TXNRD1: variants seen among roughly 807,000 people sequenced by gnomAD.
The protein encoded by TXNRD1 is thioredoxin reductase 1.
A neutral mutation model predicts 80.3 loss-of-function variants in TXNRD1; 57 were observed. That is an observed-to-expected ratio of 0.71 (90% confidence interval 0.57 to 0.89). The LOEUF is 0.89. Ranked by LOEUF, TXNRD1 falls within the 40% of genes least tolerant of loss-of-function variation. TXNRD1 has a pLI of 0.00. For synonymous variants in TXNRD1, 291 were observed against 285.2 expected (o/e 1.02, Z -0.20); for missense variants, 730 against 803.0 (o/e 0.91, Z 1.10).
At chr12:104,252,315 A>T (rs557497571) in intron 2 of TXNRD1, among the ~76,000 whole-genome samples, 4 of 152,126 alleles carry the variant, frequency 2.6e-5, no homozygotes, top group Admixed American at 2.6e-4. Context: ...GGTACTACCA[A>T]ATTTTGATAA....
chr12:104,329,494 A>G (rs2035877645), intron 13 of TXNRD1, among the ~76,000 whole-genome samples: 1 of 151,982 alleles, frequency 6.6e-6, no homozygotes, highest in African/African-American at 2.4e-5. Flanking sequence ...CAAAATATAC[A>G]AAAAATGAGA....
intron 1 of TXNRD1, among the ~76,000 whole-genome samples, chr12:104,224,032 G>A (rs2032415225): frequency 6.6e-6 from 1 of 152,224 alleles, no homozygotes; most frequent in African/African-American, 2.4e-5. Context: ...AGTCAAAGCT[G>A]TAACTCCTGA....
intron 4 of TXNRD1, among the ~76,000 whole-genome samples, chr12:104,293,796 G>A (rs1329202765): frequency 2.6e-5 from 4 of 152,128 alleles, no homozygotes; most frequent in Non-Finnish European, 4.4e-5. Context: ...ACCAATGCGC[G>A]GAGACCGGTA....
chr12:104,216,822 A>G (rs1225768058), intron 1 of TXNRD1, among the ~76,000 whole-genome samples: 1 of 152,254 alleles, frequency 6.6e-6, no homozygotes, highest in Admixed American at 6.5e-5. Context: ...TGCCTTGCCC[A>G]ATGGCTAGAA....
At chr12:104,219,215 T>C (rs1019750349) in intron 1 of TXNRD1, among the ~76,000 whole-genome samples, 2 of 152,164 alleles carry the variant, frequency 1.3e-5, no homozygotes, top group Non-Finnish European at 2.9e-5. Flanking sequence ...CAAAGTATAC[T>C]GCACCAGGCC....
intron 3 of TXNRD1, among the ~76,000 whole-genome samples, chr12:104,274,369 A>G (rs1348633970): frequency 1.3e-5 from 2 of 152,164 alleles, no homozygotes; most frequent in Non-Finnish European, 2.9e-5. Context: ...CTCAAGATCA[A>G]CTATCTAATA....
intron 1 of TXNRD1, among the ~76,000 whole-genome samples, chr12:104,240,595 T>TA (rs1473584412): frequency 1.3e-5 from 2 of 152,338 alleles, no homozygotes; most frequent in East Asian, 3.9e-4. Context: ...TCTCAACTGG[T>TA]ATATAGTATG....
At position 104,327,674 on chromosome 12, in the gene TXNRD1, G is replaced by A; in HGVS notation, c.1542+3G>A. 1 of 1,613,356 alleles carries A rather than the reference G, an allele frequency of 6.2e-7. No homozygotes were observed. The highest frequency in any genetic ancestry group is 8.5e-7 in the Non-Finnish European group (1 of 1,179,750). On this transcript the variant is annotated splice_donor_region_variant and intron_variant, in intron 13 of 16. Coordinates refer to ENST00000525566, the MANE Select transcript of TXNRD1 (RefSeq NM_001093771.3). Reference sequence around the variant, plus strand: ...TCTATGCAGGTTCCACTGTCAAGGTGAGTGTTGTGCTTGTTGCCCATTAGA... The same window carrying A: ...TCTATGCAGGTTCCACTGTCAAGGTAAGTGTTGTGCTTGTTGCCCATTAGA...
Position 104,259,224 on chromosome 12 carries a change from A to T in TXNRD1, c.304+1145A>T, listed in dbSNP as rs370612220. 2.6e-5 allele frequency among the ~76,000 whole-genome samples: 4 copies of T among 151,616 alleles called. No homozygotes were observed. In the East Asian group the frequency reaches 5.9e-4, roughly 22 times the overall value. ...TGAAACCCTGTCTCTACTAAATAAT[A>T]AAAAAAATTAGCTGGGTGTGGTGGT... On this transcript the variant is annotated intron_variant, in intron 3 of 16. Coordinates refer to ENST00000525566, the MANE Select transcript of TXNRD1 (RefSeq NM_001093771.3).
chr12:104,233,256 T>C (rs941707473), intron 1 of TXNRD1, among the ~76,000 whole-genome samples: 1 of 152,316 alleles, frequency 6.6e-6, no homozygotes, highest in Admixed American at 6.5e-5. Flanking sequence ...CGGAAGTTAG[T>C]TTTTAAAAGA....
In TXNRD1 at chr12:104,318,900, T is replaced by C. The variant is rs978556765; in HGVS notation, c.731-13T>C. The C allele has an allele frequency of 5.0e-6, 8 of 1,587,732 alleles. No individual in the cohort carries two copies. The highest frequency in any genetic ancestry group is 6.8e-6 in the Non-Finnish European group (8 of 1,170,444). ...AAAAGCCAAACAAGATTTTGTTTTA[T>C]TTTCTTATACAGTTAAGCATGATTG... On this transcript the variant is annotated splice_polypyrimidine_tract_variant and intron_variant, in intron 7 of 16. Coordinates refer to ENST00000525566, the MANE Select transcript of TXNRD1 (RefSeq NM_001093771.3).
At chr12:104,217,320 T>G (rs1054810328) in intron 1 of TXNRD1, among the ~76,000 whole-genome samples, 1 of 4,232 alleles carries the variant, frequency 2.4e-4, no homozygotes, top group Non-Finnish European at 8.0e-4. Context: ...ACAATTTTGT[T>G]TTTTTTTTTT....
chr12:104,300,749 C>A (rs377014218), intron 4 of TXNRD1, among the ~76,000 whole-genome samples: 4 of 151,888 alleles, frequency 2.6e-5, no homozygotes, highest in Non-Finnish European at 5.9e-5. Flanking sequence ...TTGTCTCACC[C>A]GCAACCTCTG....
chr12:104,301,275 A>T (rs1035323932), intron 4 of TXNRD1, among the ~76,000 whole-genome samples: 2 of 152,212 alleles, frequency 1.3e-5, no homozygotes, highest in African/African-American at 4.8e-5. Flanking sequence ...GAGCCAGAAG[A>T]AAATAGGCAC....
In TXNRD1 at chr12:104,299,543, C is replaced by T. The variant is rs539296480; in HGVS notation, c.414+10503C>T. The stretch of plus-strand genomic sequence containing the variant: ...CAGCATTTTGGGAGGCTGAGGCGGG[C>T]GGATCACGAGGTCAGGAGTTCGAGA... On this transcript the variant is annotated intron_variant, in intron 4 of 16. Transcript: ENST00000525566. Among the ~76,000 whole-genome samples, 5 of 151,810 alleles carry T rather than the reference C, an allele frequency of 3.3e-5. No homozygotes were observed. In the East Asian group the frequency reaches 9.7e-4, roughly 29 times the overall value.
At chr12:104,240,993 G>C in intron 1 of TXNRD1, among the ~76,000 whole-genome samples, 1 of 149,712 alleles carries the variant, frequency 6.7e-6, no homozygotes, top group East Asian at 2.0e-4. Context: ...CGCCCGCCTC[G>C]GCCTCTCAAA....
chr12:104,257,970 G>A, intron 2 of TXNRD1, 49 bp from the exon 3 acceptor site: 3 of 1,405,634 alleles, frequency 2.1e-6, no homozygotes, highest in South Asian at 2.5e-5. Context: ...TCTCTTGTTG[G>A]TTATAACCTC....
chr12:104,279,450 A>T (rs930712416), intron 3 of TXNRD1, among the ~76,000 whole-genome samples: 3 of 152,194 alleles, frequency 2.0e-5, no homozygotes, highest in Non-Finnish European at 4.4e-5. Flanking sequence ...AATTACAGGG[A>T]CTGAAAGCAA....
rs554828245 is a variant in TXNRD1 at position 104,317,969 on chromosome 12, G to T, written c.731-944G>T. On this transcript the variant is annotated intron_variant, in intron 7 of 16. Coordinates refer to ENST00000525566, the MANE Select transcript of TXNRD1 (RefSeq NM_001093771.3). Reference sequence around the variant, plus strand: ...AGCCTGGCCAACATGGCAAAACTGCGTCTCTACTAAAAATATAAACAATTA... The same window carrying T: ...AGCCTGGCCAACATGGCAAAACTGCTTCTCTACTAAAAATATAAACAATTA... Among the ~76,000 whole-genome samples the T allele has an allele frequency of 3.3e-5, 5 of 152,234 alleles. No individual in the cohort carries two copies. In the South Asian group the frequency reaches 1.0e-3, roughly 32 times the overall value.
Sources: allele counts gnomAD v4.1 joint callset (sites outside exome capture counted in the v4.1 genomes callset), GRCh38; gene constraint gnomAD v4.1.1; transcripts MANE v1.5; gene names NCBI Gene and HGNC (gene_info 2026-07-23, HGNC 2026-07-21).